PRELID2: variants seen among roughly 807,000 people sequenced by gnomAD.
The protein encoded by PRELID2 is PRELI domain containing 2, also known as PRELI domain-containing protein 2.
PRELID2 carries 25 observed loss-of-function variants against 28.4 expected under a neutral mutation model. The observed-to-expected ratio is 0.88, with a 90% CI of 0.64 to 1.23. The LOEUF (loss-of-function observed/expected upper bound fraction) is 1.23, where lower values mean the gene tolerates loss of function less well. PRELID2 is among the 50% of genes most tolerant of loss of function. The pLI is 0.00. For missense variants in PRELID2, 201 were observed against 214.4 expected (o/e 0.94, Z 0.39); for synonymous variants, 76 against 71.6 (o/e 1.06, Z -0.31).
In PRELID2 at chr5:145,832,484, C is replaced by T. The variant is rs555149350; in HGVS notation, c.75+2693G>A. 1.4e-4 allele frequency among the ~76,000 whole-genome samples: 22 copies of T among 152,220 alleles called. No individual in the cohort carries two copies. The South Asian group carries it at 3.3e-3, about 23-fold the overall frequency. On this transcript the variant is annotated intron_variant, in intron 1 of 6. Coordinates refer to ENST00000683046, the MANE Select transcript of PRELID2 (RefSeq NM_205846.3). ...ACAGGAGTGAGCTGCCGTGCCCAGC[C>T]GGCAAAGTTGATTCTGAAACCCTGT...
chr5:145,485,725 A>C (rs1370763540), intron 1 of PRELID2, among the ~76,000 whole-genome samples: 1 of 152,214 alleles, frequency 6.6e-6, no homozygotes, highest in East Asian at 1.9e-4. Flanking sequence ...GTCGTCAGGT[A>C]GCAAGCACCC....
At chr5:145,229,748 A>G in the PRELID2 span, 3 of 753,828 alleles carry the variant, frequency 4.0e-6, no homozygotes, top group South Asian at 4.0e-5. Flanking sequence ...AAACCAATCA[A>G]GGCCTGGGCT....
chr5:145,409,118 T>C, the PRELID2 span, among the ~76,000 whole-genome samples: 3 of 152,100 alleles, frequency 2.0e-5, no homozygotes, highest in East Asian at 3.9e-4. Flanking sequence ...CCAGCAAAAC[T>C]AAGCTTCATA....
At chr5:145,409,699 G>A in the PRELID2 span, among the ~76,000 whole-genome samples, 2 of 149,856 alleles carry the variant, frequency 1.3e-5, no homozygotes, top group East Asian at 3.9e-4. Flanking sequence ...GGAACACGAG[G>A]TCAGGAGATC....
intron 1 of PRELID2, among the ~76,000 whole-genome samples, chr5:145,600,420 G>GAAAAA (rs35455268): frequency 3.4e-4 from 42 of 124,128 alleles, no homozygotes; most frequent in African/African-American, 1.4e-3. Flanking sequence ...CTCAGGGGGG[G>GAAAAA]AAAAAAAAAA....
intron 1 of PRELID2, among the ~76,000 whole-genome samples, chr5:145,722,180 A>G (rs998540109): frequency 4.6e-5 from 7 of 152,204 alleles, no homozygotes; most frequent in African/African-American, 1.7e-4. Context: ...TTGATCAAGT[A>G]TTAGGTAAAA....
chr5:145,806,284 T>C (rs536021862), intron 4 of PRELID2, among the ~76,000 whole-genome samples: 1 of 152,312 alleles, frequency 6.6e-6, no homozygotes, highest in East Asian at 1.9e-4. Flanking sequence ...AAATTCTTAT[T>C]CTATTAACTT....
chr5:145,834,312 T>C (rs951639748), intron 1 of PRELID2, among the ~76,000 whole-genome samples: 3 of 151,640 alleles, frequency 2.0e-5, no homozygotes, highest in African/African-American at 7.3e-5. Flanking sequence ...AACCCATTCC[T>C]GGGAGCAACT....
the PRELID2 span, among the ~76,000 whole-genome samples, chr5:145,430,478 A>G: frequency 6.6e-6 from 1 of 152,170 alleles, no homozygotes; most frequent in Non-Finnish European, 1.5e-5. Flanking sequence ...TCTAGACCTC[A>G]GACAAATCAT....
At chr5:145,744,347 AG>A (rs1756929291) in intron 1 of PRELID2, among the ~76,000 whole-genome samples, 1 of 152,196 alleles carries the variant, frequency 6.6e-6, no homozygotes, top group Non-Finnish European at 1.5e-5. Context: ...ACTCCACCAA[AG>A]GACAAAGTGC....
chr5:145,716,037 T>C (rs1454018776), intron 1 of PRELID2, among the ~76,000 whole-genome samples: 1 of 152,170 alleles, frequency 6.6e-6, no homozygotes, highest in East Asian at 1.9e-4. Flanking sequence ...TCTTAAAACA[T>C]TATGAGATTT....
intron 1 of PRELID2, among the ~76,000 whole-genome samples, chr5:145,650,181 C>A (rs534745568): frequency 6.6e-6 from 1 of 152,104 alleles, no homozygotes. Context: ...TCTTCCCTAG[C>A]GTTGCCCTGA....
chr5:145,684,158 CAA>C (rs1754991146), intron 1 of PRELID2, among the ~76,000 whole-genome samples: 1 of 152,036 alleles, frequency 6.6e-6, no homozygotes, highest in Non-Finnish European at 1.5e-5. Context: ...GAGATTTGAA[CAA>C]AGACAATGAG....
At chr5:145,675,509 T>C (rs544000876) in intron 1 of PRELID2, among the ~76,000 whole-genome samples, 1 of 152,216 alleles carries the variant, frequency 6.6e-6, no homozygotes, top group Non-Finnish European at 1.5e-5. Flanking sequence ...GACTCAGTAA[T>C]CTCACTTCTA....
the PRELID2 span, among the ~76,000 whole-genome samples, chr5:145,358,673 T>C: frequency 6.6e-6 from 1 of 152,110 alleles, no homozygotes; most frequent in African/African-American, 2.4e-5. Flanking sequence ...ACACAGATGA[T>C]ACCCAAAAGA....
At chr5:145,311,576 T>A in the PRELID2 span, among the ~76,000 whole-genome samples, 2 of 152,158 alleles carry the variant, frequency 1.3e-5, no homozygotes, top group Admixed American at 1.3e-4. Context: ...AAATTTAGAT[T>A]TTTATGCACT....
At chr5:145,620,652 C>T (rs957231242) in intron 1 of PRELID2, among the ~76,000 whole-genome samples, 1 of 152,188 alleles carries the variant, frequency 6.6e-6, no homozygotes, top group African/African-American at 2.4e-5. Flanking sequence ...AGGCAGATTA[C>T]TTGAGCCCAG....
At chr5:145,348,600 T>C in the PRELID2 span, among the ~76,000 whole-genome samples, 1 of 152,076 alleles carries the variant, frequency 6.6e-6, no homozygotes, top group Non-Finnish European at 1.5e-5. Context: ...CTTTTCTTTC[T>C]TTTTCCTTTT....
intron 1 of PRELID2, among the ~76,000 whole-genome samples, chr5:145,477,765 A>G (rs1191798970): frequency 5.3e-5 from 8 of 152,230 alleles, no homozygotes; most frequent in Non-Finnish European, 1.2e-4. Flanking sequence ...GAGTGCAAGT[A>G]TATGCATTGT....
Sources: allele counts gnomAD v4.1 joint callset (sites outside exome capture counted in the v4.1 genomes callset), GRCh38; gene constraint gnomAD v4.1.1; transcripts MANE v1.5; gene names NCBI Gene and HGNC (gene_info 2026-07-23, HGNC 2026-07-21).